PLCL1: variants seen among roughly 807,000 people sequenced by gnomAD.
PLCL1 encodes the protein inactive phospholipase C-like protein 1.
PLCL1 carries 41 observed loss-of-function variants against 84.4 expected under a neutral mutation model. The ratio of observed to expected loss-of-function variants is 0.49; its 90% confidence interval spans 0.38 to 0.63. The LOEUF is 0.63. Ranked by LOEUF, PLCL1 falls within the 30% of genes least tolerant of loss-of-function variation. PLCL1 has a pLI of 0.00. For missense variants in PLCL1, 1,206 were observed against 1,367.8 expected (o/e 0.88, Z 1.87); for synonymous variants, 490 against 488.3 (o/e 1.00, Z -0.05).
At chr2:198,109,054 T>G (rs1693556255) in intron 5 of PLCL1, among the ~76,000 whole-genome samples, 1 of 151,898 alleles carries the variant, frequency 6.6e-6, no homozygotes, top group Non-Finnish European at 1.5e-5. Flanking sequence ...CCTCTGTTTC[T>G]TCTCCATGAT....
chr2:197,974,953 A>G (rs952593178), intron 1 of PLCL1, among the ~76,000 whole-genome samples: 7 of 151,906 alleles, frequency 4.6e-5, no homozygotes, highest in Non-Finnish European at 1.0e-4. Flanking sequence ...CATCCTGGCT[A>G]ACAAGGTGAA....
intron 1 of PLCL1, among the ~76,000 whole-genome samples, chr2:198,048,625 G>A (rs1184622074): frequency 6.6e-6 from 1 of 152,098 alleles, no homozygotes; most frequent in Non-Finnish European, 1.5e-5. Context: ...GAGAGAGTGG[G>A]GAGGTCCCAG....
intron 1 of PLCL1, among the ~76,000 whole-genome samples, chr2:197,958,093 A>T (rs1689527614): frequency 6.6e-6 from 1 of 151,976 alleles, no homozygotes; most frequent in African/African-American, 2.4e-5. Flanking sequence ...ATATTTGTAT[A>T]GTTTCATTTT....
At chr2:198,029,086 G>A (rs1002785705) in intron 1 of PLCL1, among the ~76,000 whole-genome samples, 4 of 152,134 alleles carry the variant, frequency 2.6e-5, no homozygotes, top group Non-Finnish European at 5.9e-5. Flanking sequence ...TATTCACAGC[G>A]TGATCATGAT....
intron 5 of PLCL1, among the ~76,000 whole-genome samples, chr2:198,129,877 A>G (rs1330033514): frequency 6.6e-6 from 1 of 152,096 alleles, no homozygotes; most frequent in Non-Finnish European, 1.5e-5. Context: ...CCATTAAATC[A>G]TTCTCACCAA....
intron 1 of PLCL1, among the ~76,000 whole-genome samples, chr2:198,035,072 C>A (rs543871880): frequency 2.6e-5 from 4 of 152,252 alleles, no homozygotes; most frequent in African/African-American, 9.6e-5. Context: ...TGTAAAATTA[C>A]TCTTTGTCCC....
At chr2:197,863,619 A>T (rs1687473487) in intron 1 of PLCL1, among the ~76,000 whole-genome samples, 1 of 152,216 alleles carries the variant, frequency 6.6e-6, no homozygotes, top group Non-Finnish European at 1.5e-5. Context: ...GGTTTTATAC[A>T]AGAAGATATC....
chr2:198,091,761 A>AAAATAAAAT (rs1559102308), intron 3 of PLCL1, among the ~76,000 whole-genome samples: 1 of 143,410 alleles, frequency 7.0e-6, no homozygotes, highest in Non-Finnish European at 1.5e-5. Flanking sequence ...AAAATAAAAT[A>AAAATAAAAT]AAAACATAGA....
chr2:198,011,135 T>C (rs1214804101), intron 1 of PLCL1, among the ~76,000 whole-genome samples: 1 of 151,998 alleles, frequency 6.6e-6, no homozygotes, highest in African/African-American at 2.4e-5. Context: ...TTTTTATGGT[T>C]TCCTTTGCTC....
intron 1 of PLCL1, among the ~76,000 whole-genome samples, chr2:198,006,398 A>G (rs146484486): frequency 6.6e-6 from 1 of 152,298 alleles, no homozygotes; most frequent in East Asian, 1.9e-4. Flanking sequence ...AGGCATCAAG[A>G]TAAATTTGAA....
chr2:198,075,512 C>G (rs1475191953), intron 1 of PLCL1, among the ~76,000 whole-genome samples: 15 of 152,150 alleles, frequency 9.9e-5, no homozygotes, highest in Admixed American at 6.5e-5. Context: ...TGGAAGTTCA[C>G]GTATCTCATA....
chr2:197,997,774 C>T (rs746501767), intron 1 of PLCL1, among the ~76,000 whole-genome samples: 2 of 152,114 alleles, frequency 1.3e-5, no homozygotes, highest in Non-Finnish European at 2.9e-5. Context: ...AAAGAGGAAA[C>T]AGCAGAGAGA....
In PLCL1 at chr2:197,939,132, T is replaced by C. The variant is rs565262505; in HGVS notation, c.240+133793T>C. ...GGATGAAGCAATGTTCTCAATAAAATACTTAATTTTCTATTTATTTTCTTG... is the reference window on the plus strand; with the variant it reads ...GGATGAAGCAATGTTCTCAATAAAACACTTAATTTTCTATTTATTTTCTTG... On this transcript the variant is annotated intron_variant, in intron 1 of 5. Transcript: ENST00000428675. Among the ~76,000 whole-genome samples the C allele has an allele frequency of 5.9e-5, 9 of 152,320 alleles. No individual in the cohort carries two copies. In the East Asian group the frequency reaches 1.5e-3, roughly 26 times the overall value.
At chr2:197,921,302 C>T (rs1227139933) in intron 1 of PLCL1, among the ~76,000 whole-genome samples, 1 of 152,160 alleles carries the variant, frequency 6.6e-6, no homozygotes, top group Non-Finnish European at 1.5e-5. Context: ...AGCAAACCAG[C>T]ATCTATCAGT....
chr2:197,978,318 T>C (rs1690028829), intron 1 of PLCL1, among the ~76,000 whole-genome samples: 1 of 151,676 alleles, frequency 6.6e-6, no homozygotes, highest in Non-Finnish European at 1.5e-5. Flanking sequence ...CTACTAAAAA[T>C]ACAAAAAGAT....
rs1690449780 is a variant in PLCL1, at chr2:197,805,327, C to T, written c.228C>T (p.Ser76=). 7.6e-7 allele frequency: 1 copy of T among 1,321,348 alleles called. No individual in the cohort carries two copies. Among genetic ancestry groups the T allele is most frequent in the Admixed American group, 4.0e-5 (1 of 24,980 alleles). The allele number at this position is 1,321,348 out of a possible 1,614,324, so 81.9% of individuals were successfully genotyped here. The change falls in exon 1 of 6, where the codon AGC becomes AGT. Residue 76 remains serine, a synonymous_variant. Transcript: ENST00000428675. This position sits in a 1 kb window ranked among gnomAD's most constrained non-coding sequence, Gnocchi z 4.0. ...LEAARATPRR[S]SIIKDPSNQK... is the part of the protein sequence containing the mutation. ...CAGCACGGGCGACCCCCCGGCGCAG[C>T]AGCATCATCAAGGTAAGCAAAGCCG...
At chr2:198,028,852 C>T (rs1048479555) in intron 1 of PLCL1, among the ~76,000 whole-genome samples, 2 of 152,138 alleles carry the variant, frequency 1.3e-5, no homozygotes, top group Non-Finnish European at 2.9e-5. Context: ...CTCCCCCTGC[C>T]AGTGCCACCA....
At chr2:197,907,051 G>A (rs1478819887) in intron 1 of PLCL1, among the ~76,000 whole-genome samples, 3 of 151,992 alleles carry the variant, frequency 2.0e-5, no homozygotes, top group East Asian at 1.9e-4. Context: ...AATAATAAGA[G>A]CTATTTATGA....
intron 5 of PLCL1, among the ~76,000 whole-genome samples, chr2:198,138,168 GT>G (rs1203487737): frequency 1.3e-5 from 2 of 152,090 alleles, no homozygotes; most frequent in Non-Finnish European, 2.9e-5. Context: ...AAGAAAAGAG[GT>G]TTTTTTGTTT....
Sources: gnomAD v4.1 joint callset for allele counts (sites outside exome capture counted in the v4.1 genomes callset) on GRCh38, gnomAD v4.1.1 for gene constraint, Gnocchi (gnomAD v3.1) non-coding constraint, MANE v1.5 for transcripts, NCBI Gene and HGNC (gene_info 2026-07-23, HGNC 2026-07-21) for gene names.